WDR27: variants seen among roughly 807,000 people sequenced by gnomAD.
The protein encoded by WDR27 is WD repeat-containing protein 27.
WDR27 carries 100 observed loss-of-function variants against 114.4 expected under a neutral mutation model. The observed-to-expected ratio is 0.87, with a 90% CI of 0.74 to 1.03. The LOEUF (loss-of-function observed/expected upper bound fraction) is 1.03. Among genes scored for constraint, WDR27 ranks in the 50% least tolerant of loss-of-function variants. WDR27 has a pLI of 0.00. For synonymous variants in WDR27, 449 were observed against 423.1 expected (o/e 1.06, Z -0.75); for missense variants, 1,129 against 1,092.9 (o/e 1.03, Z -0.47).
At chr6:169,480,931 A>T (rs1583674104) in intron 25 of WDR27, among the ~76,000 whole-genome samples, 1 of 149,890 alleles carries the variant, frequency 6.7e-6, no homozygotes, top group African/African-American at 2.5e-5. Context: ...GAGAACTTTT[A>T]TGTCTAGCTA....
chr6:169,535,401 A>G (rs9383491), intron 25 of WDR27, among the ~76,000 whole-genome samples: 16,912 of 152,230 alleles, frequency 0.11, 1,949 homozygotes, highest in East Asian at 0.59. Context: ...CTTGGATCTG[A>G]CAATCAAAAG....
intron 21 of WDR27, among the ~76,000 whole-genome samples, chr6:169,626,743 C>T (rs746494482): frequency 5.9e-5 from 9 of 152,192 alleles, no homozygotes; most frequent in Non-Finnish European, 1.2e-4. Flanking sequence ...CACTTCCTTG[C>T]CGAAATGGTC....
At position 169,471,497 on chromosome 6, in the gene WDR27, A is replaced by C. The variant is rs901330490; in HGVS notation, c.2646-13863T>G. On this transcript the variant is annotated intron_variant, in intron 25 of 25. Coordinates refer to ENST00000448612, the MANE Select transcript of WDR27 (RefSeq NM_182552.5). ...TTAAAAACCATCAAGAAAAAGGAAA[A>C]GCGAATAAAGTTATTTCCATTCTAA... Among the ~76,000 whole-genome samples, 17 of 152,196 alleles carry C rather than the reference A, an allele frequency of 1.1e-4. 1 individual carries two copies. Among genetic ancestry groups the C allele is most frequent in the African/African-American group, 7.2e-5 (3 of 41,458 alleles).
intron 17 of WDR27, among the ~76,000 whole-genome samples, chr6:169,639,909 C>T (rs1392554930): frequency 5.9e-5 from 9 of 152,128 alleles, no homozygotes; most frequent in South Asian, 4.1e-4. Flanking sequence ...ACCAGGGATG[C>T]GCTTCTTCTC....
At chr6:169,667,765 C>T (rs1046271556) in intron 5 of WDR27, among the ~76,000 whole-genome samples, 1 of 152,246 alleles carries the variant, frequency 6.6e-6, no homozygotes, top group East Asian at 1.9e-4. Flanking sequence ...GCCGCAGAAC[C>T]GTCCTGTCAG....
rs144128801 is a variant in WDR27, at chr6:169,638,564, C to A, written c.1844G>T (p.Arg615Leu). 5 of 1,610,706 alleles carry A rather than the reference C, an allele frequency of 3.1e-6. No individual in the cohort carries two copies. Among genetic ancestry groups the A allele is most frequent in the South Asian group, 2.2e-5 (2 of 90,404 alleles). ...CAGAAGCAGTGCGAGCTCTGCCCCA[C>A]GAGCCGACCACATTCGCAGGGTCCC... Reference protein sequence around the residue: ...RDGTLRMWSARGAELALLLGK... With the variant: ...RDGTLRMWSALGAELALLLGK... The change falls in exon 18 of 26, where the codon CGT becomes CTT. Residue 615 changes from arginine (R) to leucine (L), a missense_variant. Arg to Leu is a moderately radical substitution (Grantham distance 102). Coordinates refer to ENST00000448612, the MANE Select transcript of WDR27 (RefSeq NM_182552.5).
intron 25 of WDR27, among the ~76,000 whole-genome samples, chr6:169,470,254 GAAGA>G (rs1309696202): frequency 6.6e-6 from 1 of 152,088 alleles, no homozygotes; most frequent in Non-Finnish European, 1.5e-5. Context: ...TTCCCTCTCA[GAAGA>G]TAGAAGCTTT....
At chr6:169,432,422 CT>C in the WDR27 span, among the ~76,000 whole-genome samples, 1 of 152,338 alleles carries the variant, frequency 6.6e-6, no homozygotes, top group Admixed American at 6.5e-5. Context: ...CAAATCTCAT[CT>C]TGTAGCTCCC....
intron 2 of WDR27, among the ~76,000 whole-genome samples, chr6:169,683,922 C>T (rs1782226277): frequency 6.6e-6 from 1 of 152,208 alleles, no homozygotes; most frequent in Non-Finnish European, 1.5e-5. Context: ...CCCCACCCAC[C>T]CTGTGAGCCA....
At chr6:169,441,975 T>A in the WDR27 span, among the ~76,000 whole-genome samples, 1 of 152,218 alleles carries the variant, frequency 6.6e-6, no homozygotes, top group African/African-American at 2.4e-5. Flanking sequence ...AGGTTCTATT[T>A]TTATGTTTAT....
At chr6:169,612,414 C>T (rs1052250331) in intron 22 of WDR27, among the ~76,000 whole-genome samples, 2 of 152,010 alleles carry the variant, frequency 1.3e-5, no homozygotes, top group African/African-American at 4.8e-5. Flanking sequence ...GGTGACAGAG[C>T]GAGACTCCGT....
Position 169,582,840 on chromosome 6 carries a change from G to A in WDR27, c.2519C>T (p.Pro840Leu). ...ACCCACTCAGCAAGACTGTACCTGGGGCGCTGATGGGTTGAAGGCCACTCC... is the reference window on the plus strand; with the variant it reads ...ACCCACTCAGCAAGACTGTACCTGGAGCGCTGATGGGTTGAAGGCCACTCC... ...VTGVAFNPSA[P>L]QMESRSVAHA... The change falls in exon 24 of 26, where the codon CCC becomes CTC. Residue 840 changes from proline to leucine, a missense_variant. Physicochemically the swap from Pro to Leu is moderately conservative, Grantham distance 98. Coordinates refer to ENST00000448612, the MANE Select transcript of WDR27 (RefSeq NM_182552.5). The A allele has an allele frequency of 6.2e-7, 1 of 1,613,618 alleles. No homozygotes were observed. Among genetic ancestry groups the A allele is most frequent in the South Asian group, 1.1e-5 (1 of 90,962 alleles).
At chr6:169,482,573 G>A (rs892243067) in intron 25 of WDR27, among the ~76,000 whole-genome samples, 1 of 152,126 alleles carries the variant, frequency 6.6e-6, no homozygotes, top group South Asian at 2.1e-4. Context: ...AGTCTTTTGT[G>A]CAATAACAGT....
Position 169,575,427 on chromosome 6 carries a change from C to CCATCCATCCAT in WDR27, c.2524-2888_2524-2887insATGGATGGATG, listed in dbSNP as rs1562611896. 2.5e-3 allele frequency among the ~76,000 whole-genome samples: 164 copies of CCATCCATCCAT among 66,030 alleles called. 6 individuals are homozygous for CCATCCATCCAT. The highest frequency in any genetic ancestry group is 5.9e-3 in the Non-Finnish European group (116 of 19,734). 43.3% of individuals were successfully genotyped at this position (66,030 alleles called of 152,430 possible). A position where few individuals can be genotyped will look rare whatever the true frequency, so the allele number is the denominator to read the frequency against. On this transcript the variant is annotated intron_variant, in intron 24 of 25. Transcript: ENST00000448612. ...ATCCATCCATCCATCCATCCATCCA[C>CCATCCATCCAT]CCACCATCACCTACTGATTCCGTTT...
chr6:169,625,336 C>T (rs762788155), intron 21 of WDR27, among the ~76,000 whole-genome samples: 2 of 152,164 alleles, frequency 1.3e-5, no homozygotes, highest in Admixed American at 6.5e-5. Flanking sequence ...CACGTCATTC[C>T]GACTGCACTG....
At chr6:169,549,587 C>T (rs1797847053) in intron 25 of WDR27, among the ~76,000 whole-genome samples, 2 of 152,198 alleles carry the variant, frequency 1.3e-5, no homozygotes, top group South Asian at 4.1e-4. Flanking sequence ...TTTACAGCAG[C>T]TTTATTCATA....
chr6:169,565,586 T>G (rs1382348773), intron 25 of WDR27, among the ~76,000 whole-genome samples: 1 of 151,950 alleles, frequency 6.6e-6, no homozygotes, highest in Non-Finnish European at 1.5e-5. Flanking sequence ...GGTTCGAGCA[T>G]GCACACAAGC....
At chr6:169,621,643 T>C (rs1190319942) in intron 21 of WDR27, among the ~76,000 whole-genome samples, 1 of 150,392 alleles carries the variant, frequency 6.6e-6, no homozygotes, top group East Asian at 2.0e-4. Flanking sequence ...CACATGCATA[T>C]ACATACCCAC....
At position 169,474,988 on chromosome 6, in the gene WDR27, C is replaced by CT. The variant is rs149733341; in HGVS notation, c.2646-17355dup. On this transcript the variant is annotated intron_variant, in intron 25 of 25. Coordinates refer to ENST00000448612, the MANE Select transcript of WDR27 (RefSeq NM_182552.5). ...GTGTAGAGAAGAGCCCCCAGTGACTCTGAGGTCTAGCAAGAATCAAGGCAC... is the reference window on the plus strand; with the variant it reads ...GTGTAGAGAAGAGCCCCCAGTGACTCTTGAGGTCTAGCAAGAATCAAGGCAC... Among the ~76,000 whole-genome samples, 1,359 of 152,266 alleles carry CT rather than the reference C, an allele frequency of 8.9e-3. 12 individuals are homozygous for CT. Among genetic ancestry groups the CT allele is most frequent in the African/African-American group, 0.031 (1,269 of 41,560 alleles).
Sources: gnomAD v4.1 joint callset for allele counts (sites outside exome capture counted in the v4.1 genomes callset) on GRCh38, gnomAD v4.1.1 for gene constraint, MANE v1.5 for transcripts, NCBI Gene and HGNC (gene_info 2026-07-23, HGNC 2026-07-21) for gene names.